FBXL12: variants seen among roughly 807,000 people sequenced by gnomAD.
FBXL12 encodes the protein F-box/LRR-repeat protein 12.
In FBXL12, 22 loss-of-function variants were observed where a neutral mutation model predicts 24.9. The ratio of observed to expected loss-of-function variants is 0.88; its 90% CI spans 0.63 to 1.26. The LOEUF is 1.26. Among genes scored for constraint, FBXL12 ranks in the 50% most tolerant of loss-of-function variants. The pLI, the probability that FBXL12 is intolerant of heterozygous loss-of-function variation, is 0.00. For synonymous variants in FBXL12, 193 were observed against 193.8 expected, an observed-to-expected ratio of 1.00 and a Z score of 0.03; for missense variants, 384 against 434.1, an observed-to-expected ratio of 0.88 and a Z score of 1.03.
intron 2 of FBXL12, among the ~76,000 whole-genome samples, chr19:9,817,244 T>C (rs2045906076): frequency 6.6e-6 from 1 of 152,184 alleles, no homozygotes; most frequent in Non-Finnish European, 1.5e-5. Context: ...TGCAGTATGT[T>C]ATGATTTTGC....
At position 9,818,785 on chromosome 19, in the gene FBXL12, G is replaced by T. The variant is rs1400871738; in HGVS notation, c.29C>A (p.Ser10Ter). 2.6e-6 allele frequency: 4 copies of T among 1,555,012 alleles called. No homozygotes were observed. Among genetic ancestry groups the T allele is most frequent in the Non-Finnish European group, 3.5e-6 (4 of 1,147,840 alleles). The change falls in exon 1 of 3, where the codon TCG (serine) becomes TAG (stop). Residue 10 changes from serine (S) to a stop codon, truncating the protein, a stop_gained. Coordinates refer to ENST00000247977, the MANE Select transcript of FBXL12 (RefSeq NM_017703.3). LOFTEE classifies it high-confidence loss of function. ...GTAAGAGAAGATCTCGAGCAGGACC[G>T]AGTCCGGCAGTTCGACCAAAGTCGC... MATLVELPD[S>*]VLLEIFSYLP...
intron 2 of FBXL12, among the ~76,000 whole-genome samples, chr19:9,815,200 T>A (rs1055791489): frequency 2.0e-5 from 3 of 152,182 alleles, no homozygotes; most frequent in African/African-American, 4.8e-5. Flanking sequence ...ACAGGGCCCA[T>A]GCAAGTCTGA....
intron 2 of FBXL12, among the ~76,000 whole-genome samples, chr19:9,816,951 T>C (rs187162430): frequency 1.2e-3 from 177 of 151,760 alleles, no homozygotes; most frequent in African/African-American, 4.2e-3. Flanking sequence ...CAAAAGAAAA[T>C]GAGAAAGAAG....
intron 1 of FBXL12, 28 bp from the exon 2 acceptor site, chr19:9,818,645 G>T: frequency 6.4e-7 from 1 of 1,550,730 alleles, no homozygotes. Flanking sequence ...CGGTTAGAAC[G>T]ACCCCAGCCC....
Position 9,812,570 on chromosome 19 carries a change from G to A in FBXL12, c.160-853C>T, listed in dbSNP as rs145668715. On this transcript the variant is annotated intron_variant, in intron 2 of 2. Coordinates refer to ENST00000247977, the MANE Select transcript of FBXL12 (RefSeq NM_017703.3). ...AAAAAAAAAAAGATAAATCTGGTAG[G>A]GGAAAAAAAGATACTAACAGAATCT... Among the ~76,000 whole-genome samples the A allele has an allele frequency of 2.3e-3, 347 of 149,560 alleles. 3 individuals carry two copies. Among genetic ancestry groups the A allele is most frequent in the African/African-American group, 7.7e-3 (315 of 40,808 alleles).
At chr19:9,812,484 T>C (rs866712539) in intron 2 of FBXL12, among the ~76,000 whole-genome samples, 53 of 127,638 alleles carry the variant, frequency 4.2e-4, no homozygotes, top group Admixed American at 2.0e-4. Flanking sequence ...TGAGTCGATA[T>C]CGCACCACTG....
chr19:9,818,587 G>T lies in FBXL12; in HGVS notation c.117C>A (p.Asp39Glu). Residue 39 changes from aspartate (D) to glutamate (E), a missense_variant, in exon 2 of 3, where the codon GAC (aspartate) becomes GAA (glutamate). Transcript: ENST00000247977. Reference protein sequence around the residue: ...RVCHRWKRLVDDRWLWRHVDL... With the variant: ...RVCHRWKRLVEDRWLWRHVDL... Reference sequence around the variant, plus strand: ...CGACATGTCGCCACAGCCACCGGTCGTCCACCAGCCTCTTCCAGCGGTGAC... The same window carrying T: ...CGACATGTCGCCACAGCCACCGGTCTTCCACCAGCCTCTTCCAGCGGTGAC... The T allele has an allele frequency of 1.3e-6, 2 of 1,554,960 alleles. No homozygotes were observed. The highest frequency in any genetic ancestry group is 8.7e-7 in the Non-Finnish European group (1 of 1,150,992).
chr19:9,818,781 G>A lies in FBXL12; in HGVS notation c.33C>T (p.Val11=). The A allele has an allele frequency of 6.4e-7, 1 of 1,556,132 alleles. No homozygotes were observed. The highest frequency in any genetic ancestry group is 8.7e-7 in the Non-Finnish European group (1 of 1,148,660). ...GGAGGTAAGAGAAGATCTCGAGCAGGACCGAGTCCGGCAGTTCGACCAAAG... is the reference window on the plus strand; with the variant it reads ...GGAGGTAAGAGAAGATCTCGAGCAGAACCGAGTCCGGCAGTTCGACCAAAG... MATLVELPDS[V]LLEIFSYLPV... Residue 11 remains valine (V), a synonymous_variant, in exon 1 of 3, where the codon GTC becomes GTT. Transcript: ENST00000247977.
intron 2 of FBXL12, among the ~76,000 whole-genome samples, chr19:9,813,773 G>A (rs1290554007): frequency 1.3e-5 from 2 of 151,954 alleles, no homozygotes; most frequent in Non-Finnish European, 2.9e-5. Flanking sequence ...CAAGGTGCTG[G>A]GATTACAGGC....
At chr19:9,813,584 C>T (rs988681878) in intron 2 of FBXL12, among the ~76,000 whole-genome samples, 1 of 151,612 alleles carries the variant, frequency 6.6e-6, no homozygotes, top group African/African-American at 2.4e-5. Flanking sequence ...TCACTGCAAT[C>T]TCCACCTCCC....
chr19:9,812,754 T>A (rs2045784286), intron 2 of FBXL12, among the ~76,000 whole-genome samples: 1 of 137,416 alleles, frequency 7.3e-6, no homozygotes. Flanking sequence ...AAATTAGGTC[T>A]ATGTTAAAAA....
At position 9,811,063 on chromosome 19, in the gene FBXL12, T is replaced by C; in HGVS notation, c.814A>G (p.Thr272Ala). ...PLVTPEMPSP[T>A]EILSSCLTMP... is the part of the protein sequence containing the mutation. ...GTGAGGCAGGAGGAGAGGATTTCAG[T>C]GGGGGAGGGCATTTCTGGGGTGACG... is the stretch of plus-strand genomic sequence containing the variant. Residue 272 changes from threonine (T) to alanine (A), a missense_variant, in exon 3 of 3, where the codon ACT becomes GCT. Transcript: ENST00000247977. This position sits in a 1 kb window ranked among gnomAD's most constrained non-coding sequence, Gnocchi z 6.0. 1 of 1,610,452 alleles carries C rather than the reference T, an allele frequency of 6.2e-7. No homozygotes were observed. Among genetic ancestry groups the C allele is most frequent in the East Asian group, 2.2e-5 (1 of 44,626 alleles).
At position 9,811,412 on chromosome 19, in the gene FBXL12, G is replaced by T. The variant is rs1384252754; in HGVS notation, c.465C>A (p.Cys155Ter). ...AGGCGGGGACGCGGTCCAGCACGATGCATTCAAGCAGGGGCAGCACGGTGG... is the reference window on the plus strand; with the variant it reads ...AGGCGGGGACGCGGTCCAGCACGATTCATTCAAGCAGGGGCAGCACGGTGG... Reference protein sequence around the residue: ...QDPTVLPLLECIVLDRVPAFR... With the variant: ...QDPTVLPLLE The change falls in exon 3 of 3, where the codon TGC becomes TGA. Residue 155 changes from cysteine (C) to a stop codon, truncating the protein, a stop_gained. Transcript: ENST00000247977. LOFTEE classifies it high-confidence loss of function. This position sits in a 1 kb window ranked among gnomAD's most constrained non-coding sequence, Gnocchi z 6.0. The T allele has an allele frequency of 1.2e-6, 2 of 1,613,288 alleles. No homozygotes were observed. Among genetic ancestry groups the T allele is most frequent in the African/African-American group, 2.7e-5 (2 of 74,946 alleles).
intron 2 of FBXL12, among the ~76,000 whole-genome samples, chr19:9,812,816 G>A (rs1418513889): frequency 6.7e-6 from 1 of 150,286 alleles, no homozygotes; most frequent in Non-Finnish European, 1.5e-5. Context: ...GCTCACACCT[G>A]TAATCCCAGC....
At chr19:9,812,499 C>T (rs577575163) in intron 2 of FBXL12, among the ~76,000 whole-genome samples, 37 of 140,738 alleles carry the variant, frequency 2.6e-4, no homozygotes, top group African/African-American at 1.0e-3. Context: ...CCACTGCACT[C>T]CAGCCTGGGC....
intron 2 of FBXL12, among the ~76,000 whole-genome samples, chr19:9,817,615 C>G (rs1599431946): frequency 1.3e-5 from 2 of 152,246 alleles, no homozygotes; most frequent in East Asian, 1.9e-4. Context: ...GGTTGGGGGA[C>G]AGCTTCAGTC....
chr19:9,814,311 A>C (rs2145372717), intron 2 of FBXL12: 1 of 152,430 alleles, frequency 6.6e-6, no homozygotes, highest in South Asian at 2.1e-4. Flanking sequence ...GATTGAGACC[A>C]TCCTGGCCAA....
intron 2 of FBXL12, chr19:9,813,321 CT>C: frequency 9.2e-7 from 1 of 1,089,042 alleles, no homozygotes; most frequent in Non-Finnish European, 1.2e-6. Flanking sequence ...TTTATGTGTG[CT>C]TACAAAGGTG....
chr19:9,813,197 G>A, intron 2 of FBXL12: 2 of 1,200,984 alleles, frequency 1.7e-6, no homozygotes, highest in African/African-American at 1.6e-5. Flanking sequence ...TCTAAGTACA[G>A]TTTATCTTAA....
Sources: gnomAD v4.1 joint callset for allele counts (sites outside exome capture counted in the v4.1 genomes callset) on GRCh38, gnomAD v4.1.1 for gene constraint, Gnocchi (gnomAD v3.1) non-coding constraint, MANE v1.5 for transcripts, NCBI Gene and HGNC (gene_info 2026-07-23, HGNC 2026-07-21) for gene names.